The following SGK1 variants were observed in gnomAD, a reference collection of about 807,000 sequenced individuals.
SGK1 encodes serum/glucocorticoid regulated kinase 1.
SGK1 carries 26 observed loss-of-function variants against 64.2 expected under a neutral mutation model. The observed-to-expected ratio is 0.40, with a 90% CI of 0.30 to 0.56. The LOEUF (loss-of-function observed/expected upper bound fraction) is 0.56, where lower values mean the gene tolerates loss of function less well. SGK1 is among the 20% of genes least tolerant of loss of function. The probability of loss-of-function intolerance (pLI) is 0.38; values close to 1 mark genes in which losing one functional copy is unlikely to be tolerated. For synonymous variants in SGK1, 265 were observed against 239.7 expected, an observed-to-expected ratio of 1.11 and a Z score of -0.98; for missense variants, 519 against 645.6, an observed-to-expected ratio of 0.80 and a Z score of 2.12.
At chr6:134,281,244 T>C (rs925211570) in intron 1 of SGK1, among the ~76,000 whole-genome samples, 3 of 152,186 alleles carry the variant, frequency 2.0e-5, no homozygotes, top group Non-Finnish European at 4.4e-5. Flanking sequence ...CTTAGTATTT[T>C]AGTACTGTTA....
rs181252517 is a variant in SGK1, at chr6:134,279,003, C to G, written c.70-16855G>C. On this transcript the variant is annotated intron_variant, in intron 1 of 13. Transcript: ENST00000367858. ...TTCAGGACAGCTACATTTAAATAAT[C>G]AAAATAATTTAAAAAGTGTAGGCAA... is the stretch of plus-strand genomic sequence containing the variant. 5.4e-4 allele frequency among the ~76,000 whole-genome samples: 82 copies of G among 152,216 alleles called. 1 individual carries two copies. The highest frequency in any genetic ancestry group is 4.8e-3 in the Admixed American group (73 of 15,286).
At chr6:134,255,660 C>T (rs572515538) in intron 2 of SGK1, among the ~76,000 whole-genome samples, 1 of 140,422 alleles carries the variant, frequency 7.1e-6, no homozygotes, top group South Asian at 2.4e-4. Flanking sequence ...TGGGTCACTA[C>T]AACCTCCACC....
At chr6:134,248,605 C>T (rs912810840) in intron 2 of SGK1, among the ~76,000 whole-genome samples, 1 of 151,946 alleles carries the variant, frequency 6.6e-6, no homozygotes, top group Non-Finnish European at 1.5e-5. Flanking sequence ...TCATGTGCCA[C>T]GACGCCCAGA....
intron 3 of SGK1, among the ~76,000 whole-genome samples, chr6:134,205,237 C>T (rs1775751280): frequency 6.6e-6 from 1 of 152,152 alleles, no homozygotes; most frequent in Non-Finnish European, 1.5e-5. Flanking sequence ...GTAGATCTTA[C>T]TAGCAGTATT....
chr6:134,232,467 G>T (rs1776302736), intron 2 of SGK1, among the ~76,000 whole-genome samples: 1 of 38,440 alleles, frequency 2.6e-5, no homozygotes, highest in Admixed American at 2.5e-4. Flanking sequence ...AAGAAAGAAA[G>T]AAAGAAAGAA....
chr6:134,262,145 G>A lies in SGK1; in HGVS notation c.73C>T (p.Arg25Ter), dbSNP rs372082116. Reference sequence around the variant, plus strand: ...ACCATTGGGCTCTTGATCCACCTTCGTACCTGCAATGTGCAAAAGGAAAGA... The same window carrying A: ...ACCATTGGGCTCTTGATCCACCTTCATACCTGCAATGTGCAAAAGGAAAGA... ...SAFQFFKKRV[R>*]RWIKSPMVSV... Residue 25 changes from arginine to a stop codon, truncating the protein, a stop_gained, in exon 2 of 14, where the codon CGA (arginine) becomes TGA (stop). Transcript: ENST00000367858. LOFTEE classifies it high-confidence loss of function. 9.5e-6 allele frequency: 15 copies of A among 1,571,276 alleles called. No homozygotes were observed. The highest frequency in any genetic ancestry group is 2.3e-5 in the East Asian group (1 of 44,116).
At chr6:134,229,843 A>C (rs57030520) in intron 2 of SGK1, among the ~76,000 whole-genome samples, 2 of 152,322 alleles carry the variant, frequency 1.3e-5, no homozygotes, top group East Asian at 3.9e-4. Flanking sequence ...TGGAAAAATC[A>C]GGTAAAAAGA....
intron 5 of SGK1, 173 bp downstream of exon 5, chr6:134,173,832 T>A: frequency 1.7e-6 from 1 of 602,678 alleles, no homozygotes; most frequent in Non-Finnish European, 2.9e-6. Flanking sequence ...AGGAAAAAAA[T>A]AAAATAATAC....
chr6:134,266,580 C>A (rs1463618454), intron 1 of SGK1, among the ~76,000 whole-genome samples: 1 of 152,026 alleles, frequency 6.6e-6, no homozygotes, highest in Admixed American at 6.6e-5. Context: ...CATGGCACTG[C>A]ATTCCAGCCT....
intron 2 of SGK1, among the ~76,000 whole-genome samples, chr6:134,218,278 T>G (rs1167282770): frequency 6.6e-6 from 1 of 152,182 alleles, no homozygotes; most frequent in Non-Finnish European, 1.5e-5. Context: ...AAAACTCAAA[T>G]TTATCCTCAA....
At chr6:134,200,514 G>C (rs1312638336) in intron 3 of SGK1, among the ~76,000 whole-genome samples, 1 of 152,170 alleles carries the variant, frequency 6.6e-6, no homozygotes, top group Non-Finnish European at 1.5e-5. Context: ...AAACTACCTT[G>C]AATAATTCCT....
At chr6:134,185,555 A>AGTGTGTGTGT (rs55653141) in intron 3 of SGK1, among the ~76,000 whole-genome samples, 30,727 of 145,236 alleles carry the variant, frequency 0.21, 3,662 homozygotes, top group Non-Finnish European at 0.28. Flanking sequence ...TATCTCTATG[A>AGTGTGTGTGT]GTGTGTGTGT....
chr6:134,197,168 G>C (rs1775606722), intron 3 of SGK1, among the ~76,000 whole-genome samples: 1 of 152,172 alleles, frequency 6.6e-6, no homozygotes, highest in Non-Finnish European at 1.5e-5. Context: ...GGGAGGTCAA[G>C]GCCACAGTAA....
chr6:134,277,519 A>G (rs1219320254), intron 1 of SGK1, among the ~76,000 whole-genome samples: 3 of 152,048 alleles, frequency 2.0e-5, no homozygotes, highest in Non-Finnish European at 2.9e-5. Flanking sequence ...GGGCAGACCC[A>G]GGCAGGTGTG....
chr6:134,303,769 G>T (rs527972582), intron 1 of SGK1, among the ~76,000 whole-genome samples: 122 of 149,362 alleles, frequency 8.2e-4, no homozygotes, highest in Non-Finnish European at 1.5e-3. Flanking sequence ...GAGCGACACA[G>T]CACGATTCTG....
chr6:134,174,935 A>C lies in SGK1; in HGVS notation c.362-349T>G, dbSNP rs567487931. ...GGGCGGGGCCTGCGCGACAGTGAGA[A>C]GTGGCCCCGCCCTTCGCCTCGCCCC... On this transcript the variant is annotated intron_variant, in intron 3 of 13. Coordinates refer to ENST00000367858, the MANE Select transcript of SGK1 (RefSeq NM_001143676.3). 279 of 1,499,818 alleles carry C rather than the reference A, an allele frequency of 1.9e-4. 3 individuals carry two copies. The highest frequency in any genetic ancestry group is 1.7e-3 in the African/African-American group (119 of 71,294). 92.9% of individuals were successfully genotyped at this position (1,499,818 alleles called of 1,614,324 possible).
intron 3 of SGK1, among the ~76,000 whole-genome samples, chr6:134,207,000 C>T (rs1464973335): frequency 3.3e-5 from 5 of 151,740 alleles, no homozygotes; most frequent in South Asian, 2.1e-4. Context: ...CCGAGGCGGG[C>T]GAATCACAAG....
At chr6:134,309,910 C>T (rs1391104280) in intron 1 of SGK1, among the ~76,000 whole-genome samples, 1 of 152,170 alleles carries the variant, frequency 6.6e-6, no homozygotes, top group Non-Finnish European at 1.5e-5. Context: ...AAAAAAATCA[C>T]ACTTTAAAAA....
At chr6:134,295,387 C>G (rs1414465281) in intron 1 of SGK1, among the ~76,000 whole-genome samples, 1 of 152,166 alleles carries the variant, frequency 6.6e-6, no homozygotes, top group Non-Finnish European at 1.5e-5. Flanking sequence ...ACAGGGATAT[C>G]AAGGTCCCAC....
Sources: allele counts gnomAD v4.1 joint callset (sites outside exome capture counted in the v4.1 genomes callset), GRCh38; gene constraint gnomAD v4.1.1; transcripts MANE v1.5; gene names NCBI Gene and HGNC (gene_info 2026-07-23, HGNC 2026-07-21).